Variants in LGSN observed in about 807,000 individuals in gnomAD.
LGSN encodes the protein lengsin, lens protein with glutamine synthetase domain.
A neutral mutation model predicts 19.5 loss-of-function variants in LGSN; 21 were observed. That is an observed-to-expected ratio of 1.07 (90% confidence interval 0.76 to 1.55). LGSN has a LOEUF of 1.55. Ranked by LOEUF, LGSN falls within the 40% of genes most tolerant of loss-of-function variation. LGSN has a pLI of 0.00. For missense variants in LGSN, 673 were observed against 608.5 expected (o/e 1.11, Z -1.12); for synonymous variants, 257 against 215.6 (o/e 1.19, Z -1.68).
chr6:63,564,016 T>C, the LGSN span, among the ~76,000 whole-genome samples: 1 of 152,226 alleles, frequency 6.6e-6, no homozygotes, highest in Non-Finnish European at 1.5e-5. Context: ...GGCTCACGCC[T>C]GTAATCCCAG....
chr6:63,337,791 G>C, the LGSN span, among the ~76,000 whole-genome samples: 2 of 152,076 alleles, frequency 1.3e-5, no homozygotes, highest in African/African-American at 2.4e-5. Flanking sequence ...ATAACAGAGT[G>C]AGATACTGTC....
chr6:63,401,549 A>G, the LGSN span, among the ~76,000 whole-genome samples: 1 of 152,232 alleles, frequency 6.6e-6, no homozygotes, highest in Non-Finnish European at 1.5e-5. Context: ...GAGGTTATGT[A>G]AAAGCAAACT....
chr6:63,278,257 T>G lies in LGSN; in HGVS notation c.*1764A>C, dbSNP rs1465931157. 6.6e-6 allele frequency: 1 copy of G among 152,062 alleles called. No individual in the cohort carries two copies. Among genetic ancestry groups the G allele is most frequent in the East Asian group, 1.9e-4 (1 of 5,170 alleles). 9.4% of individuals were successfully genotyped at this position (152,062 alleles called of 1,614,324 possible). ...AAAGAACATATTGAGGTTTTATTACTGAGAACAGAGGGGAAAATGAACAGA... is the reference window on the plus strand; with the variant it reads ...AAAGAACATATTGAGGTTTTATTACGGAGAACAGAGGGGAAAATGAACAGA... On this transcript the variant is annotated 3_prime_UTR_variant, in exon 4 of 4. Coordinates refer to ENST00000370657, the MANE Select transcript of LGSN (RefSeq NM_016571.3).
the LGSN span, among the ~76,000 whole-genome samples, chr6:63,547,881 C>G: frequency 7.2e-5 from 11 of 152,142 alleles, no homozygotes; most frequent in Non-Finnish European, 1.3e-4. Flanking sequence ...CACTTTCCAA[C>G]ACTTATTTAT....
At chr6:63,357,708 G>T in the LGSN span, among the ~76,000 whole-genome samples, 1 of 152,140 alleles carries the variant, frequency 6.6e-6, no homozygotes, top group East Asian at 1.9e-4. Context: ...ATTTGTTTGA[G>T]TTCATTGTAG....
chr6:63,489,953 A>C, the LGSN span, among the ~76,000 whole-genome samples: 1 of 152,098 alleles, frequency 6.6e-6, no homozygotes, highest in Admixed American at 6.6e-5. Flanking sequence ...CAGGTGATTC[A>C]CTTGCCTCAG....
In LGSN at chr6:63,280,227, C is replaced by G; in HGVS notation, c.1324G>C (p.Asp442His). 2 of 1,614,236 alleles carry G rather than the reference C, an allele frequency of 1.2e-6. No individual in the cohort carries two copies. The highest frequency in any genetic ancestry group is 1.7e-6 in the Non-Finnish European group (2 of 1,180,044). ...ACTTGGTAAAAGTCTGTGCTCTCAT[C>G]TGGACCAGCCAAGACCTCATTACTG... is the stretch of plus-strand genomic sequence containing the variant. Reference protein sequence around the residue: ...HSSNEVLAGPDESTDFYQVEP... With the variant: ...HSSNEVLAGPHESTDFYQVEP... Residue 442 changes from aspartate to histidine, a missense_variant, in exon 4 of 4, where the codon GAT becomes CAT. By Grantham distance (81) the Asp-to-His change is moderately conservative. Coordinates refer to ENST00000370657, the MANE Select transcript of LGSN (RefSeq NM_016571.3).
the LGSN span, among the ~76,000 whole-genome samples, chr6:63,446,749 A>G: frequency 6.6e-6 from 1 of 152,170 alleles, no homozygotes; most frequent in Admixed American, 6.5e-5. Flanking sequence ...AATACAGTAT[A>G]GTTGAAAAAA....
At chr6:63,387,806 C>G in the LGSN span, among the ~76,000 whole-genome samples, 4 of 152,006 alleles carry the variant, frequency 2.6e-5, no homozygotes, top group Non-Finnish European at 5.9e-5. Context: ...CCGACCTCAG[C>G]GTCCTGAGTA....
At chr6:63,490,098 T>C in the LGSN span, among the ~76,000 whole-genome samples, 20 of 152,186 alleles carry the variant, frequency 1.3e-4, no homozygotes, top group Non-Finnish European at 2.4e-4. Context: ...CTCTATTACA[T>C]AGGAAAAGAA....
At chr6:63,341,460 G>A in the LGSN span, among the ~76,000 whole-genome samples, 17 of 152,284 alleles carry the variant, frequency 1.1e-4, no homozygotes, top group South Asian at 1.2e-3. Flanking sequence ...GTGCTTGTCC[G>A]TCCTGTCTCT....
chr6:63,311,397 T>C (rs1723525), intron 1 of LGSN, among the ~76,000 whole-genome samples: 8,004 of 152,264 alleles, frequency 0.053, 703 homozygotes, highest in African/African-American at 0.18. Flanking sequence ...GCATGAACAA[T>C]TAGGGCAAAT....
At chr6:63,352,758 A>G in the LGSN span, among the ~76,000 whole-genome samples, 1 of 151,904 alleles carries the variant, frequency 6.6e-6, no homozygotes, top group Non-Finnish European at 1.5e-5. Flanking sequence ...CTGTCTCTCA[A>G]ACAAAGGGAT....
the LGSN span, among the ~76,000 whole-genome samples, chr6:63,455,159 G>A: frequency 7.9e-5 from 12 of 152,156 alleles, no homozygotes; most frequent in Non-Finnish European, 1.3e-4. Flanking sequence ...CTGGATCTCA[G>A]TTACAAGGAA....
At chr6:63,405,699 A>G in the LGSN span, among the ~76,000 whole-genome samples, 1 of 152,184 alleles carries the variant, frequency 6.6e-6, no homozygotes, top group Admixed American at 6.5e-5. Context: ...ATGTAAATGG[A>G]CTAAATGCTC....
At chr6:63,545,905 C>G in the LGSN span, among the ~76,000 whole-genome samples, 1 of 152,038 alleles carries the variant, frequency 6.6e-6, no homozygotes, top group African/African-American at 2.4e-5. Context: ...AAACCTGGTT[C>G]TGTTATTCAA....
the LGSN span, among the ~76,000 whole-genome samples, chr6:63,450,250 T>G: frequency 1.3e-5 from 2 of 150,180 alleles, no homozygotes; most frequent in Admixed American, 1.3e-4. Context: ...TAATCCCAGC[T>G]ACTCAGGAGG....
At chr6:63,432,193 GA>G in the LGSN span, among the ~76,000 whole-genome samples, 10 of 30,782 alleles carry the variant, frequency 3.2e-4, no homozygotes, top group African/African-American at 1.2e-3. Context: ...GAAAAGAAAA[GA>G]AAAGAAAAGA....
chr6:63,380,401 G>A, the LGSN span, among the ~76,000 whole-genome samples: 14 of 152,250 alleles, frequency 9.2e-5, no homozygotes, highest in East Asian at 1.4e-3. Flanking sequence ...GTCTGCAGAC[G>A]CATATCACAG....
Sources: allele counts gnomAD v4.1 joint callset (sites outside exome capture counted in the v4.1 genomes callset), GRCh38; gene constraint gnomAD v4.1.1; transcripts MANE v1.5; gene names NCBI Gene and HGNC (gene_info 2026-07-23, HGNC 2026-07-21).